The following DISC1 variants were observed in gnomAD, a reference collection of about 807,000 sequenced individuals.
DISC1 encodes the protein disrupted in schizophrenia 1 protein.
Under a neutral mutation model 84.5 loss-of-function variants are expected in DISC1, and 57 were observed. The observed-to-expected ratio is 0.67, with a 90% CI of 0.55 to 0.84. DISC1 has a LOEUF of 0.84. Ranked by LOEUF, DISC1 falls within the 40% of genes least tolerant of loss-of-function variation. The pLI is 0.00. For missense variants in DISC1, 1,000 were observed against 1,057.8 expected, an observed-to-expected ratio of 0.95 and a Z score of 0.76; for synonymous variants, 411 against 415.2, an observed-to-expected ratio of 0.99 and a Z score of 0.12.
rs1238635676 is a variant in DISC1, at chr1:231,701,880, G to A, written c.1048-75G>A. 8 of 1,257,846 alleles carry A rather than the reference G, an allele frequency of 6.4e-6. No homozygotes were observed. In the African/African-American group the frequency reaches 9.1e-5, roughly 14 times the overall value. 77.9% of individuals were successfully genotyped at this position (1,257,846 alleles called of 1,614,324 possible). On this transcript the variant is annotated intron_variant, in intron 2 of 12. Transcript: ENST00000439617. The stretch of plus-strand genomic sequence containing the variant: ...TTCAGTTTTGAAACAGTTTCTAAAT[G>A]TTCTTAGTTTTCACAAAAATGTTTG...
intron 9 of DISC1, among the ~76,000 whole-genome samples, chr1:231,906,943 CTTTT>C (rs2088708344): frequency 6.6e-6 from 1 of 152,054 alleles, no homozygotes; most frequent in African/African-American, 2.4e-5. Flanking sequence ...AAGAATCTTT[CTTTT>C]TCTTTCTTTG....
chr1:231,720,406 A>G (rs1245268449), intron 3 of DISC1, among the ~76,000 whole-genome samples: 1 of 152,014 alleles, frequency 6.6e-6, no homozygotes, highest in African/African-American at 2.4e-5. Flanking sequence ...TGGCATGATC[A>G]TAGCTCACTG....
chr1:231,828,766 C>CA (rs2082032053), intron 9 of DISC1, among the ~76,000 whole-genome samples: 1 of 152,106 alleles, frequency 6.6e-6, no homozygotes, highest in Non-Finnish European at 1.5e-5. Context: ...TGCAATTTTA[C>CA]ATCCTCTGTC....
chr1:231,862,143 CT>C (rs1481137408), intron 9 of DISC1, among the ~76,000 whole-genome samples: 1 of 152,178 alleles, frequency 6.6e-6, no homozygotes, highest in African/African-American at 2.4e-5. Flanking sequence ...TGATAAAAAG[CT>C]TTATCATCGT....
Position 231,626,794 on chromosome 1 carries a change from T to G in DISC1, c.-74T>G. ...CTTCCCGTCCAGCGCGCTGCTCCCT[T>G]CCCCCCGCCTCTGGCCTCGGGGAAG... On this transcript the variant is annotated 5_prime_UTR_variant, in exon 1 of 13. Coordinates refer to ENST00000439617, the MANE Select transcript of DISC1 (RefSeq NM_018662.3). The G allele has an allele frequency of 8.6e-7, 1 of 1,160,182 alleles. No individual in the cohort carries two copies. The highest frequency in any genetic ancestry group is 1.1e-6 in the Non-Finnish European group (1 of 878,888). 71.9% of individuals were successfully genotyped at this position (1,160,182 alleles called of 1,614,324 possible).
At chr1:231,779,762 T>G (rs2077253444) in intron 6 of DISC1, among the ~76,000 whole-genome samples, 2 of 151,904 alleles carry the variant, frequency 1.3e-5, no homozygotes, top group Admixed American at 1.3e-4. Context: ...GGTTTCACCG[T>G]GTTAGCCAGG....
chr1:231,789,030 A>C (rs898914412), intron 6 of DISC1, among the ~76,000 whole-genome samples: 4 of 152,214 alleles, frequency 2.6e-5, no homozygotes, highest in Admixed American at 2.6e-4. Flanking sequence ...TTCTTTTTCT[A>C]GTAGTAAAAG....
intron 1 of DISC1, among the ~76,000 whole-genome samples, chr1:231,632,319 G>A (rs2058780237): frequency 6.6e-6 from 1 of 152,122 alleles, no homozygotes; most frequent in South Asian, 2.1e-4. Flanking sequence ...TCAACTTCAG[G>A]TTAATTTTCC....
chr1:231,693,137 G>T (rs576438189), intron 1 of DISC1, among the ~76,000 whole-genome samples: 31 of 152,328 alleles, frequency 2.0e-4, no homozygotes, highest in Non-Finnish European at 3.7e-4. Context: ...CCAGCAAGTG[G>T]TACAATCAGG....
At chr1:231,977,080 G>T (rs1558800589) in intron 10 of DISC1, among the ~76,000 whole-genome samples, 1 of 152,140 alleles carries the variant, frequency 6.6e-6, no homozygotes, top group Non-Finnish European at 1.5e-5. Flanking sequence ...AATGATTACT[G>T]TGGAAATTTC....
At chr1:231,925,382 C>T (rs1013194668) in intron 9 of DISC1, among the ~76,000 whole-genome samples, 1 of 152,178 alleles carries the variant, frequency 6.6e-6, no homozygotes, top group South Asian at 2.1e-4. Context: ...GGAATGGCTT[C>T]TGTCACAGAA....
chr1:231,950,698 G>A (rs1572282779), intron 9 of DISC1, among the ~76,000 whole-genome samples: 2 of 152,288 alleles, frequency 1.3e-5, no homozygotes, highest in Admixed American at 1.3e-4. Context: ...GGGAAAGTGA[G>A]AATTACCATA....
At chr1:231,945,844 A>C (rs1657074690) in intron 9 of DISC1, among the ~76,000 whole-genome samples, 1 of 152,240 alleles carries the variant, frequency 6.6e-6, no homozygotes, top group African/African-American at 2.4e-5. Context: ...CCTCTATGCA[A>C]ATGAACTAGA....
At chr1:231,814,950 A>AATG (rs2080766183) in intron 8 of DISC1, 1 of 144,716 alleles carries the variant, frequency 6.9e-6, no homozygotes, top group Non-Finnish European at 1.5e-5. Context: ...TAATAATAAT[A>AATG]ATAATAATAA....
chr1:231,841,133 A>T (rs1411923964), intron 9 of DISC1, among the ~76,000 whole-genome samples: 1 of 152,196 alleles, frequency 6.6e-6, no homozygotes, highest in Non-Finnish European at 1.5e-5. Flanking sequence ...CGGATTTTGC[A>T]TTTTCAAATT....
At chr1:231,846,788 A>G (rs2083478971) in intron 9 of DISC1, among the ~76,000 whole-genome samples, 3 of 152,240 alleles carry the variant, frequency 2.0e-5, no homozygotes. Flanking sequence ...CAGGCAGGAT[A>G]ACGTGATAAG....
chr1:231,876,478 A>C (rs1327519592), intron 9 of DISC1, among the ~76,000 whole-genome samples: 2 of 152,330 alleles, frequency 1.3e-5, no homozygotes, highest in Middle Eastern at 3.4e-3. Context: ...TAGCAATGCA[A>C]GGATGGCTTA....
At chr1:231,654,707 A>G (rs2060917203) in intron 1 of DISC1, among the ~76,000 whole-genome samples, 2 of 152,132 alleles carry the variant, frequency 1.3e-5, no homozygotes, top group African/African-American at 4.8e-5. Flanking sequence ...GAGATCATGC[A>G]GTATTTTTCT....
chr1:231,830,497 T>G (rs2082142731), intron 9 of DISC1, among the ~76,000 whole-genome samples: 1 of 152,210 alleles, frequency 6.6e-6, no homozygotes, highest in Non-Finnish European at 1.5e-5. Context: ...ACTTCAAAAG[T>G]TAAGAGCGGC....
Sources: allele counts gnomAD v4.1 joint callset (sites outside exome capture counted in the v4.1 genomes callset), GRCh38; gene constraint gnomAD v4.1.1; transcripts MANE v1.5; gene names NCBI Gene and HGNC (gene_info 2026-07-23, HGNC 2026-07-21).